Variants in CADM2 observed in about 807,000 individuals in gnomAD.
CADM2 encodes cell adhesion molecule 2, also known as immunoglobulin superfamily member 4D.
CADM2 carries 12 observed loss-of-function variants against 49.8 expected under a neutral mutation model. That is an observed-to-expected ratio of 0.24 (90% CI 0.15 to 0.39). The LOEUF is 0.39. Among genes scored for constraint, CADM2 ranks in the 10% least tolerant of loss-of-function variants. The pLI, the probability that CADM2 is intolerant of heterozygous loss-of-function variation, is 1.00. For synonymous variants in CADM2, 214 were observed against 175.4 expected (o/e 1.22, Z -1.74); for missense variants, 378 against 492.3 (o/e 0.77, Z 2.20).
intron 1 of CADM2, among the ~76,000 whole-genome samples, chr3:85,395,513 C>T (rs1047760430): frequency 3.3e-5 from 5 of 151,886 alleles, no homozygotes; most frequent in African/African-American, 7.3e-5. Context: ...ATAAATGAAA[C>T]GATACCAGCA....
At chr3:85,836,846 C>G (rs1048786845) in intron 3 of CADM2, among the ~76,000 whole-genome samples, 1 of 151,542 alleles carries the variant, frequency 6.6e-6, no homozygotes, top group Non-Finnish European at 1.5e-5. Context: ...GGCATCTATA[C>G]AGCCATGTGA....
At chr3:85,936,689 G>C (rs2108541064) in intron 7 of CADM2, among the ~76,000 whole-genome samples, 1 of 151,742 alleles carries the variant, frequency 6.6e-6, no homozygotes, top group South Asian at 2.1e-4. Context: ...AGGTTAAATT[G>C]CTAAAAATTT....
intron 1 of CADM2, among the ~76,000 whole-genome samples, chr3:85,005,995 C>T (rs1559612963): frequency 6.6e-6 from 1 of 152,078 alleles, no homozygotes; most frequent in Admixed American, 6.6e-5. Flanking sequence ...AGAATGCTCT[C>T]CTACTACTAT....
chr3:85,690,794 T>C (rs2066358872), intron 1 of CADM2, among the ~76,000 whole-genome samples: 1 of 152,218 alleles, frequency 6.6e-6, no homozygotes, highest in Admixed American at 6.5e-5. Flanking sequence ...TGTGTTTTCA[T>C]TTATAAATAC....
chr3:85,556,922 A>G (rs920689854), intron 1 of CADM2, among the ~76,000 whole-genome samples: 2 of 152,120 alleles, frequency 1.3e-5, no homozygotes, highest in Non-Finnish European at 2.9e-5. Context: ...TTCTTTTATC[A>G]TGAACAAATT....
chr3:85,765,535 T>G (rs553940449), intron 2 of CADM2, among the ~76,000 whole-genome samples: 268 of 152,176 alleles, frequency 1.8e-3, no homozygotes, highest in African/African-American at 6.2e-3. Context: ...GATGTCATAG[T>G]ATCTCCCTAT....
At chr3:85,315,694 A>C (rs1374611402) in intron 1 of CADM2, among the ~76,000 whole-genome samples, 2 of 152,188 alleles carry the variant, frequency 1.3e-5, no homozygotes, top group Non-Finnish European at 2.9e-5. Context: ...CAAGTAAACA[A>C]AAATTCAGTT....
At chr3:85,147,165 C>T (rs1331149633) in intron 1 of CADM2, among the ~76,000 whole-genome samples, 4 of 150,186 alleles carry the variant, frequency 2.7e-5, no homozygotes. Flanking sequence ...GTCCCAGCTA[C>T]TCAGGAGGCT....
chr3:85,636,626 A>T (rs2064496294), intron 1 of CADM2, among the ~76,000 whole-genome samples: 1 of 152,158 alleles, frequency 6.6e-6, no homozygotes, highest in Non-Finnish European at 1.5e-5. Context: ...CTCACCACTT[A>T]CTCACTATCT....
intron 3 of CADM2, among the ~76,000 whole-genome samples, chr3:85,881,426 G>C (rs529751621): frequency 6.6e-6 from 1 of 151,970 alleles, no homozygotes; most frequent in East Asian, 1.9e-4. Flanking sequence ...TGATTTTCCT[G>C]GTGTTTAGTA....
chr3:85,514,658 C>A (rs1013105560), intron 1 of CADM2, among the ~76,000 whole-genome samples: 1 of 152,034 alleles, frequency 6.6e-6, no homozygotes, highest in Non-Finnish European at 1.5e-5. Context: ...CTTTTCTATG[C>A]AAATATGAAC....
Position 85,978,816 on chromosome 3 carries a change from C to A in CADM2, c.970+17169C>A, listed in dbSNP as rs183923033. On this transcript the variant is annotated intron_variant, in intron 8 of 9. Transcript: ENST00000383699. ...TGTGTCATTCTGTTTACTTCTTTGACAAAGCATGTCATTTTTTTTTACCTA... is the reference window on the plus strand; with the variant it reads ...TGTGTCATTCTGTTTACTTCTTTGAAAAAGCATGTCATTTTTTTTTACCTA... 2.7e-5 allele frequency among the ~76,000 whole-genome samples: 4 copies of A among 149,120 alleles called. No homozygotes were observed. In the Admixed American group the frequency reaches 2.7e-4, roughly 10 times the overall value.
chr3:85,145,730 A>C (rs2039718364), intron 1 of CADM2, among the ~76,000 whole-genome samples: 1 of 152,126 alleles, frequency 6.6e-6, no homozygotes, highest in Non-Finnish European at 1.5e-5. Flanking sequence ...TGGGGTGATT[A>C]ATTTCATTTA....
intron 8 of CADM2, chr3:86,014,462 G>A (rs1731957613): frequency 1.3e-6 from 2 of 1,495,546 alleles, no homozygotes; most frequent in Non-Finnish European, 9.0e-7. Context: ...CCACAAATTT[G>A]GTAACCAAAC....
chr3:85,039,048 A>G (rs545938453), intron 1 of CADM2, among the ~76,000 whole-genome samples: 59 of 152,188 alleles, frequency 3.9e-4, no homozygotes, highest in African/African-American at 1.4e-3. Context: ...GAGAGAGAGA[A>G]AAGAGAGGAA....
At chr3:85,916,755 C>T (rs1355863954) in intron 6 of CADM2, among the ~76,000 whole-genome samples, 1 of 152,022 alleles carries the variant, frequency 6.6e-6, no homozygotes, top group Non-Finnish European at 1.5e-5. Flanking sequence ...ACACTGACTT[C>T]CACAATGGTT....
At chr3:85,682,673 T>C (rs2066072805) in intron 1 of CADM2, among the ~76,000 whole-genome samples, 1 of 152,108 alleles carries the variant, frequency 6.6e-6, no homozygotes, top group Non-Finnish European at 1.5e-5. Flanking sequence ...TTCTAGTTTG[T>C]ATTTGATATC....
At chr3:85,528,403 G>A (rs2061220302) in intron 1 of CADM2, among the ~76,000 whole-genome samples, 1 of 152,316 alleles carries the variant, frequency 6.6e-6, no homozygotes. Flanking sequence ...ACTTCAAAAT[G>A]TGGAGTAAGC....
At chr3:86,015,766 C>T (rs564768269) in intron 8 of CADM2, among the ~76,000 whole-genome samples, 11 of 152,086 alleles carry the variant, frequency 7.2e-5, no homozygotes, top group African/African-American at 1.7e-4. Context: ...GCTTTTTAGC[C>T]GGTATATGTT....
Sources: gnomAD v4.1 joint callset for allele counts (sites outside exome capture counted in the v4.1 genomes callset) on GRCh38, gnomAD v4.1.1 for gene constraint, MANE v1.5 for transcripts, NCBI Gene and HGNC (gene_info 2026-07-23, HGNC 2026-07-21) for gene names.